Variants in PDE3A observed in about 807,000 individuals in gnomAD.
The protein encoded by PDE3A is phosphodiesterase 3A, also known as cGMP-inhibited 3',5'-cyclic phosphodiesterase 3A.
In PDE3A, 43 loss-of-function variants were observed where a neutral mutation model predicts 98.3. The ratio of observed to expected loss-of-function variants is 0.44; its 90% CI spans 0.34 to 0.56. The LOEUF (loss-of-function observed/expected upper bound fraction) is 0.56. PDE3A is among the 20% of genes least tolerant of loss of function. The pLI, the probability that PDE3A is intolerant of heterozygous loss-of-function variation, is 0.01. For missense variants in PDE3A, 1,427 were observed against 1,440.7 expected, an observed-to-expected ratio of 0.99 and a Z score of 0.15; for synonymous variants, 663 against 567.9, an observed-to-expected ratio of 1.17 and a Z score of -2.38.
At chr12:20,570,407 C>CAAAAAAAAAAAAAAAAAA (rs61242685) in intron 2 of PDE3A, among the ~76,000 whole-genome samples, 1 of 43,344 alleles carries the variant, frequency 2.3e-5, no homozygotes, top group African/African-American at 1.2e-4. Flanking sequence ...GACGCTGTCT[C>CAAAAAAAAAAAAAAAAAA]AAAAAAAAAA....
intron 1 of PDE3A, among the ~76,000 whole-genome samples, chr12:20,497,187 C>T (rs535499496): frequency 6.6e-6 from 1 of 152,032 alleles, no homozygotes; most frequent in Non-Finnish European, 1.5e-5. Flanking sequence ...AAGATTTAAA[C>T]CAAAAGCAAC....
At chr12:20,444,321 A>G (rs1405400996) in intron 1 of PDE3A, among the ~76,000 whole-genome samples, 2 of 152,132 alleles carry the variant, frequency 1.3e-5, no homozygotes, top group East Asian at 1.9e-4. Context: ...TCCATCTAAT[A>G]AGACTTCACA....
chr12:20,535,766 A>G (rs1015115511), intron 1 of PDE3A, among the ~76,000 whole-genome samples: 31 of 152,164 alleles, frequency 2.0e-4, no homozygotes, highest in African/African-American at 7.2e-4. Context: ...TGGATATGTG[A>G]TTATTAATAT....
At chr12:20,539,736 A>G (rs1262921153) in intron 1 of PDE3A, among the ~76,000 whole-genome samples, 1 of 152,132 alleles carries the variant, frequency 6.6e-6, no homozygotes. Context: ...TGACAATGCT[A>G]AGAAAATGGG....
chr12:20,575,500 A>G (rs1017010598), intron 2 of PDE3A, among the ~76,000 whole-genome samples: 9 of 152,082 alleles, frequency 5.9e-5, no homozygotes, highest in African/African-American at 2.2e-4. Flanking sequence ...GTTTTGATGT[A>G]CAATTTGTGT....
chr12:20,480,547 G>C (rs1475557091), intron 1 of PDE3A, among the ~76,000 whole-genome samples: 2 of 152,172 alleles, frequency 1.3e-5, no homozygotes, highest in Non-Finnish European at 2.9e-5. Flanking sequence ...CACACACACA[G>C]AGGATCTTAT....
Position 20,369,254 on chromosome 12 carries a change from T to TG in PDE3A, c.-28dup. On this transcript the variant is annotated 5_prime_UTR_variant, in exon 1 of 16. Coordinates refer to ENST00000359062, the MANE Select transcript of PDE3A (RefSeq NM_000921.5). ...CGGGGCGGGGGCGTCGGGGGGCCAC[T>TG]GGGAATTCAGTGAAGAGGGCACCCT... is the stretch of plus-strand genomic sequence containing the variant. The TG allele has an allele frequency of 6.9e-7, 1 of 1,452,586 alleles. No individual in the cohort carries two copies. The highest frequency in any genetic ancestry group is 9.1e-7 in the Non-Finnish European group (1 of 1,093,930). 90.0% of individuals were successfully genotyped at this position (1,452,586 alleles called of 1,614,324 possible).
intron 1 of PDE3A, among the ~76,000 whole-genome samples, chr12:20,505,158 A>G (rs991176467): frequency 3.0e-4 from 46 of 152,090 alleles, no homozygotes; most frequent in Admixed American, 9.2e-4. Flanking sequence ...ATTACTTTCT[A>G]TAGTCCTATA....
At chr12:20,668,020 G>A (rs1372592289) in intron 15 of PDE3A, among the ~76,000 whole-genome samples, 1 of 152,162 alleles carries the variant, frequency 6.6e-6, no homozygotes, top group African/African-American at 2.4e-5. Flanking sequence ...GCAGGGCGAG[G>A]CATTGCCTCA....
rs375387597 is a variant in PDE3A, at chr12:20,616,251, C to A, written c.1291C>A (p.Pro431Thr). The A allele has an allele frequency of 1.5e-5, 24 of 1,613,792 alleles. No individual in the cohort carries two copies. The highest frequency in any genetic ancestry group is 1.9e-5 in the Non-Finnish European group (22 of 1,179,928). ...IPKRLRRSLP[P>T]GLLRRVSSTW... is the part of the protein sequence containing the mutation. ...CTAGCGCCTGAGAAGGAGTTTGCCTCCTGGCTTGTTGAGACGAGTTTCTTC... is the reference window on the plus strand; with the variant it reads ...CTAGCGCCTGAGAAGGAGTTTGCCTACTGGCTTGTTGAGACGAGTTTCTTC... The change falls in exon 4 of 16, where the codon CCT (proline) becomes ACT (threonine). Residue 431 changes from proline to threonine, a missense_variant. By Grantham distance (38) the Pro-to-Thr change is conservative. This residue lies in a region of PDE3A where 1,012 missense variants were observed against 886.5 expected (regional missense o/e 1.14). Transcript: ENST00000359062.
chr12:20,571,191 T>C (rs1433589520), intron 2 of PDE3A, among the ~76,000 whole-genome samples: 2 of 152,172 alleles, frequency 1.3e-5, no homozygotes, highest in African/African-American at 4.8e-5. Context: ...GAGCTTATAT[T>C]GTAAACTGAT....
At chr12:20,431,411 A>G (rs1944695040) in intron 1 of PDE3A, among the ~76,000 whole-genome samples, 2 of 152,194 alleles carry the variant, frequency 1.3e-5, no homozygotes, top group Non-Finnish European at 2.9e-5. Flanking sequence ...TACACGATGT[A>G]TATAATGTTG....
chr12:20,485,069 TG>T (rs1945701560), intron 1 of PDE3A, among the ~76,000 whole-genome samples: 1 of 152,194 alleles, frequency 6.6e-6, no homozygotes. Context: ...ATTAGTTTCC[TG>T]GGGCTGTTGT....
chr12:20,535,240 C>T (rs1178540202), intron 1 of PDE3A, among the ~76,000 whole-genome samples: 2 of 152,204 alleles, frequency 1.3e-5, no homozygotes. Flanking sequence ...CTCCTCATCC[C>T]TGGTAATCTA....
At chr12:20,410,491 CTACTT>C (rs1944313537) in intron 1 of PDE3A, among the ~76,000 whole-genome samples, 1 of 152,164 alleles carries the variant, frequency 6.6e-6, no homozygotes, top group African/African-American at 2.4e-5. Flanking sequence ...GATTCTTACT[CTACTT>C]CTTCCTGAAG....
At chr12:20,391,125 C>T (rs562819758) in intron 1 of PDE3A, among the ~76,000 whole-genome samples, 2 of 151,918 alleles carry the variant, frequency 1.3e-5, no homozygotes, top group African/African-American at 4.8e-5. Flanking sequence ...GAGTGCTTTT[C>T]ATATGACTAG....
At chr12:20,397,791 A>G (rs2120643506) in intron 1 of PDE3A, among the ~76,000 whole-genome samples, 1 of 152,244 alleles carries the variant, frequency 6.6e-6, no homozygotes, top group Admixed American at 6.5e-5. Flanking sequence ...AATTACTAAA[A>G]TAGGCAACTC....
intron 1 of PDE3A, among the ~76,000 whole-genome samples, chr12:20,414,011 G>GTT (rs1944379045): frequency 6.6e-6 from 1 of 152,216 alleles, no homozygotes; most frequent in African/African-American, 2.4e-5. Context: ...ACCTTGAGTA[G>GTT]TTCTGTGAAA....
intron 2 of PDE3A, among the ~76,000 whole-genome samples, chr12:20,610,220 A>G (rs73236308): frequency 0.037 from 5,640 of 152,118 alleles, 345 homozygotes; most frequent in African/African-American, 0.13. Flanking sequence ...TAACCTGATT[A>G]AAAAGTGGGC....
Sources: gnomAD v4.1 joint callset for allele counts (sites outside exome capture counted in the v4.1 genomes callset) on GRCh38, gnomAD v4.1.1 for gene constraint, gnomAD v4.1.1 regional missense constraint, MANE v1.5 for transcripts, NCBI Gene and HGNC (gene_info 2026-07-23, HGNC 2026-07-21) for gene names.